The following ERBB4 variants were observed in gnomAD, a reference collection of about 807,000 sequenced individuals.
ERBB4 encodes the protein receptor tyrosine-protein kinase erbB-4.
A neutral mutation model predicts 158.0 loss-of-function variants in ERBB4; 42 were observed. The observed-to-expected ratio is 0.27, with a 90% CI of 0.21 to 0.34. ERBB4 has a LOEUF of 0.34. ERBB4 is among the 10% of genes least tolerant of loss of function. The pLI is 1.00. For missense variants in ERBB4, 1,333 were observed against 1,624.1 expected (o/e 0.82, Z 3.08); for synonymous variants, 583 against 558.7 (o/e 1.04, Z -0.61).
intron 1 of ERBB4, among the ~76,000 whole-genome samples, chr2:212,172,606 A>G (rs886753352): frequency 9.2e-5 from 14 of 152,146 alleles, no homozygotes; most frequent in African/African-American, 3.4e-4. Flanking sequence ...CAGCCATAAA[A>G]AGGAAGGAGA....
Position 211,704,212 on chromosome 2 carries a change from A to T in ERBB4, c.1199-18T>A. 1 of 1,473,016 alleles carries T rather than the reference A, an allele frequency of 6.8e-7. No individual in the cohort carries two copies. Among genetic ancestry groups the T allele is most frequent in the Non-Finnish European group, 9.5e-7 (1 of 1,051,356 alleles). 91.2% of individuals were successfully genotyped at this position (1,473,016 alleles called of 1,614,324 possible). On this transcript the variant is annotated intron_variant, in intron 10 of 27. Transcript: ENST00000342788. The stretch of plus-strand genomic sequence containing the variant: ...CAGGAAACCTACAAGTGAAGAGTAG[A>T]AAAAATAAATCAGAATATCATTGTC...
chr2:211,720,578 G>A (rs993263111), intron 7 of ERBB4, among the ~76,000 whole-genome samples: 7 of 152,138 alleles, frequency 4.6e-5, no homozygotes, highest in Admixed American at 6.5e-5. Context: ...TCACCGTGCT[G>A]GATCTTTGCC....
At chr2:211,734,722 C>A in intron 5 of ERBB4, among the ~76,000 whole-genome samples, 1 of 149,676 alleles carries the variant, frequency 6.7e-6, no homozygotes, top group African/African-American at 2.5e-5. Flanking sequence ...AGATCGAGAC[C>A]ATCCTGGCTA....
intron 3 of ERBB4, among the ~76,000 whole-genome samples, chr2:211,830,752 T>G (rs2077201079): frequency 6.6e-6 from 1 of 152,076 alleles, no homozygotes; most frequent in Non-Finnish European, 1.5e-5. Flanking sequence ...ACAACCCAGG[T>G]AGCAGAAATG....
At chr2:212,324,108 G>A (rs2087704686) in intron 1 of ERBB4, among the ~76,000 whole-genome samples, 2 of 150,646 alleles carry the variant, frequency 1.3e-5, no homozygotes, top group South Asian at 4.2e-4. Flanking sequence ...TGCTGGATGT[G>A]AAAAAGGCAG....
chr2:211,768,739 C>T (rs1435787074), intron 4 of ERBB4, among the ~76,000 whole-genome samples: 1 of 152,108 alleles, frequency 6.6e-6, no homozygotes, highest in Non-Finnish European at 1.5e-5. Context: ...GGCCCTGGGA[C>T]CAGCCCATGA....
chr2:212,003,906 G>A (rs2076201471), intron 2 of ERBB4, among the ~76,000 whole-genome samples: 1 of 152,100 alleles, frequency 6.6e-6, no homozygotes. Flanking sequence ...CAACGTATAT[G>A]CAATAAAAGT....
chr2:211,754,445 A>G (rs558680527), intron 4 of ERBB4, among the ~76,000 whole-genome samples: 76 of 144,598 alleles, frequency 5.3e-4, no homozygotes, highest in African/African-American at 1.9e-3. Flanking sequence ...TCTGTTGCAC[A>G]GGCTGGAGTG....
intron 21 of ERBB4, among the ~76,000 whole-genome samples, 191 bp downstream of exon 21, chr2:211,430,754 T>C (rs2063729832): frequency 6.6e-6 from 1 of 151,892 alleles, no homozygotes; most frequent in Non-Finnish European, 1.5e-5. Context: ...TATATATATA[T>C]GTGTGTGTAT....
At chr2:212,340,181 G>C (rs1028246416) in intron 1 of ERBB4, among the ~76,000 whole-genome samples, 11 of 151,756 alleles carry the variant, frequency 7.2e-5, no homozygotes, top group African/African-American at 2.4e-4. Flanking sequence ...TATTATAGTT[G>C]AGAGCCACCA....
In ERBB4 at chr2:212,514,736, C is replaced by T. The variant is rs570691232; in HGVS notation, c.82+23713G>A. Among the ~76,000 whole-genome samples the T allele has an allele frequency of 1.0e-3, 152 of 152,250 alleles. 1 individual carries two copies. Among genetic ancestry groups the T allele is most frequent in the Non-Finnish European group, 1.7e-3 (118 of 68,006 alleles). On this transcript the variant is annotated intron_variant, in intron 1 of 27. Transcript: ENST00000342788. ...AAGAGAATCTTCTGAACCCGGGAGG[C>T]AGAGGTTGCAGTGAGCAGAGATCGC...
chr2:212,124,554 A>T, intron 2 of ERBB4, 198 bp downstream of exon 2: 1 of 602,370 alleles, frequency 1.7e-6, no homozygotes. Flanking sequence ...CTTTAAACTC[A>T]GGAGCGTCAG....
At chr2:211,951,309 A>G (rs917064073) in intron 2 of ERBB4, among the ~76,000 whole-genome samples, 13 of 152,154 alleles carry the variant, frequency 8.5e-5, no homozygotes, top group African/African-American at 3.1e-4. Flanking sequence ...AAAGAGTAAC[A>G]TTAATAGTAA....
chr2:212,301,258 G>A (rs1291736815), intron 1 of ERBB4, among the ~76,000 whole-genome samples: 3 of 150,408 alleles, frequency 2.0e-5, no homozygotes, highest in African/African-American at 4.9e-5. Context: ...TTATATTATC[G>A]CTTCTATTTT....
chr2:211,912,957 C>A (rs979104771), intron 3 of ERBB4, among the ~76,000 whole-genome samples: 9 of 152,182 alleles, frequency 5.9e-5, no homozygotes, highest in South Asian at 2.1e-4. Context: ...CATCACCTGT[C>A]TTGCCACTAA....
chr2:211,889,310 G>A (rs916744668), intron 3 of ERBB4, among the ~76,000 whole-genome samples: 1 of 144,948 alleles, frequency 6.9e-6, no homozygotes, highest in Non-Finnish European at 1.5e-5. Flanking sequence ...ACACGGCAGG[G>A]TATTCCAACA....
chr2:212,401,961 G>GT (rs1383917136), intron 1 of ERBB4, among the ~76,000 whole-genome samples: 1 of 152,084 alleles, frequency 6.6e-6, no homozygotes, highest in Non-Finnish European at 1.5e-5. Context: ...CTGGAAAATA[G>GT]TTTGAGGTTT....
chr2:211,392,602 C>CA (rs1559122679), intron 25 of ERBB4, among the ~76,000 whole-genome samples: 23 of 121,756 alleles, frequency 1.9e-4, no homozygotes, highest in South Asian at 5.1e-4. Context: ...ACACACACAC[C>CA]CCAATAATGA....
At chr2:212,314,931 C>A (rs991388516) in intron 1 of ERBB4, among the ~76,000 whole-genome samples, 1 of 151,188 alleles carries the variant, frequency 6.6e-6, no homozygotes, top group East Asian at 2.0e-4. Context: ...AATTAATTAA[C>A]AATCCCAAGC....
Sources: allele counts gnomAD v4.1 joint callset (sites outside exome capture counted in the v4.1 genomes callset), GRCh38; gene constraint gnomAD v4.1.1; transcripts MANE v1.5; gene names NCBI Gene and HGNC (gene_info 2026-07-23, HGNC 2026-07-21).